The following ZCCHC9 variants were observed in gnomAD, a reference collection of about 807,000 sequenced individuals.
ZCCHC9 encodes zinc finger CCHC domain-containing protein 9.
Under a neutral mutation model 30.8 loss-of-function variants are expected in ZCCHC9, and 18 were observed. The ratio of observed to expected loss-of-function variants is 0.58; its 90% CI spans 0.40 to 0.87. The LOEUF (loss-of-function observed/expected upper bound fraction) is 0.87. Among genes scored for constraint, ZCCHC9 ranks in the 40% least tolerant of loss-of-function variants. The pLI is 0.00. For missense variants in ZCCHC9, 279 were observed against 331.2 expected (o/e 0.84, Z 1.22); for synonymous variants, 94 against 106.7 (o/e 0.88, Z 0.73).
intron 4 of ZCCHC9, 86 bp from the exon 5 acceptor site, chr5:81,311,125 A>C: frequency 7.4e-7 from 1 of 1,344,974 alleles, no homozygotes; most frequent in South Asian, 1.2e-5. Flanking sequence ...GGTTGTGAGG[A>C]TCCAGTAAGA....
rs776685153 is a variant in ZCCHC9 at position 81,308,761 on chromosome 5, A to G, written c.535+50A>G. On this transcript the variant is annotated intron_variant, in intron 3 of 5. Transcript: ENST00000407610. Reference sequence around the variant, plus strand: ...TTTTGTTCATGGGGAAAGCCAATAAATAGCACCTTGGGTATTTTTTTAACA... The same window carrying G: ...TTTTGTTCATGGGGAAAGCCAATAAGTAGCACCTTGGGTATTTTTTTAACA... 21 of 1,571,416 alleles carry G rather than the reference A, an allele frequency of 1.3e-5. No individual in the cohort carries two copies. The Admixed American group carries it at 3.9e-4, about 29-fold the overall frequency.
At chr5:81,309,828 A>G (rs918858095) in intron 4 of ZCCHC9, among the ~76,000 whole-genome samples, 3 of 152,178 alleles carry the variant, frequency 2.0e-5, no homozygotes, top group Admixed American at 1.3e-4. Context: ...CAGTTTTTCA[A>G]TTTTAATCTC....
At chr5:81,310,853 A>G (rs1005980266) in intron 4 of ZCCHC9, among the ~76,000 whole-genome samples, 2 of 152,238 alleles carry the variant, frequency 1.3e-5, no homozygotes, top group African/African-American at 4.8e-5. Flanking sequence ...GCATCTGCTT[A>G]CATCTTTTGT....
intron 1 of ZCCHC9, chr5:81,302,045 A>G (rs554124013): frequency 2.8e-4 from 42 of 152,398 alleles, no homozygotes; most frequent in African/African-American, 1.0e-3. Context: ...ACTTCAGCGA[A>G]GAGTGCGCTG....
chr5:81,308,246 T>A (rs1443444950), intron 2 of ZCCHC9, among the ~76,000 whole-genome samples: 2 of 152,130 alleles, frequency 1.3e-5, no homozygotes, highest in East Asian at 1.9e-4. Flanking sequence ...ACTGCAGACA[T>A]TCCAGTTAAT....
At chr5:81,308,242 G>A (rs956937383) in intron 2 of ZCCHC9, among the ~76,000 whole-genome samples, 9 of 151,958 alleles carry the variant, frequency 5.9e-5, no homozygotes, top group African/African-American at 2.2e-4. Context: ...TTCTACTGCA[G>A]ACATTCCAGT....
At position 81,308,967 on chromosome 5, in the gene ZCCHC9, G is replaced by A; in HGVS notation, c.557G>A (p.Cys186Tyr). 6.2e-7 allele frequency: 1 copy of A among 1,613,296 alleles called. No individual in the cohort carries two copies. Among genetic ancestry groups the A allele is most frequent in the Non-Finnish European group, 8.5e-7 (1 of 1,179,704 alleles). ...ACAGGCGAATTTCCTTTTGCAAAATGTTTTGTTTGTGGAGAAATGGGGCAC... is the reference window on the plus strand; with the variant it reads ...ACAGGCGAATTTCCTTTTGCAAAATATTTTGTTTGTGGAGAAATGGGGCAC... ...PALGEFPFAK[C>Y]FVCGEMGHLS... Residue 186 changes from cysteine (C) to tyrosine (Y), a missense_variant, in exon 4 of 6, where the codon TGT (cysteine) becomes TAT (tyrosine). By Grantham distance (194) the Cys-to-Tyr change is radical. Transcript: ENST00000407610.
chr5:81,311,362 A>T, intron 5 of ZCCHC9, 83 bp downstream of exon 5: 1 of 1,358,982 alleles, frequency 7.4e-7, no homozygotes, highest in Non-Finnish European at 1.0e-6. Context: ...TAATAACTCA[A>T]TTGGGATACT....
At chr5:81,308,522 T>C (rs758099001) in intron 2 of ZCCHC9, 39 bp from the exon 3 acceptor site, 3 of 1,555,900 alleles carry the variant, frequency 1.9e-6, no homozygotes, top group East Asian at 2.3e-5. Context: ...GTCACTGGTA[T>C]AGTTTTGCAG....
chr5:81,307,707 T>C (rs1214665019), intron 2 of ZCCHC9, among the ~76,000 whole-genome samples: 1 of 145,578 alleles, frequency 6.9e-6, no homozygotes. Context: ...CTATGAAATA[T>C]ATCTTATGGC....
In ZCCHC9 at chr5:81,304,947, A is replaced by C. The variant is rs778571000; in HGVS notation, c.190A>C (p.Lys64Gln). 1 of 1,613,828 alleles carries C rather than the reference A, an allele frequency of 6.2e-7. No individual in the cohort carries two copies. The highest frequency in any genetic ancestry group is 2.2e-5 in the East Asian group (1 of 44,882). ...AGCAAAACATAAAAAGAACAAAAAG[A>C]AAAAAGAGTACTTAAATGAAGATGT... Reference protein sequence around the residue: ...PQAKHKKNKKKKEYLNEDVNG... With the variant: ...PQAKHKKNKKQKEYLNEDVNG... The change falls in exon 2 of 6, where the codon AAA (lysine) becomes CAA (glutamine). Residue 64 changes from lysine to glutamine, a missense_variant. Transcript: ENST00000407610.
At chr5:81,302,862 G>T (rs1485762981) in intron 1 of ZCCHC9, 1 of 152,054 alleles carries the variant, frequency 6.6e-6, no homozygotes, top group Non-Finnish European at 1.5e-5. Flanking sequence ...ATTATTTAGG[G>T]TATTACTGTA....
At chr5:81,305,595 CA>C (rs33971441) in intron 2 of ZCCHC9, among the ~76,000 whole-genome samples, 176 of 132,882 alleles carry the variant, frequency 1.3e-3, no homozygotes, top group East Asian at 1.4e-3. Context: ...CCATGTCTAC[CA>C]AAAAAAAAAA....
rs1228155880 is a variant in ZCCHC9, at chr5:81,312,490, G to A, written c.698-54G>A. 5 of 1,355,436 alleles carry A rather than the reference G, an allele frequency of 3.7e-6. No homozygotes were observed. The Admixed American group carries it at 7.3e-5, about 20-fold the overall frequency. The allele number at this position is 1,355,436 out of a possible 1,614,324, so 84.0% of individuals were successfully genotyped here. ...TTCCCAAACCAATAACAATCTGAGT[G>A]GATGCATTTGATTACTGTTTTTCTA... On this transcript the variant is annotated intron_variant, in intron 5 of 5. Transcript: ENST00000407610.
chr5:81,302,469 T>C (rs925610064), intron 1 of ZCCHC9: 3 of 152,214 alleles, frequency 2.0e-5, no homozygotes, highest in African/African-American at 7.2e-5. Context: ...AGACTCCGTC[T>C]CAACAACGAC....
At position 81,312,887 on chromosome 5, in the gene ZCCHC9, T is replaced by C. The variant is rs1166035091; in HGVS notation, c.*225T>C. 1 of 315,950 alleles carries C rather than the reference T, an allele frequency of 3.2e-6. No individual in the cohort carries two copies. The highest frequency in any genetic ancestry group is 5.9e-6 in the Non-Finnish European group (1 of 170,820). The allele number at this position is 315,950 out of a possible 1,614,324, so 19.6% of individuals were successfully genotyped here. A position where few individuals can be genotyped will look rare whatever the true frequency, so the allele number is the denominator to read the frequency against. ...GAATAAGATGATTAAATGAATTCTC[T>C]AAAAGAACATATTTTAAGAGACAGA... On this transcript the variant is annotated 3_prime_UTR_variant, in exon 6 of 6. Transcript: ENST00000407610.
intron 2 of ZCCHC9, 129 bp from the exon 3 acceptor site, chr5:81,308,432 C>A: frequency 1.6e-6 from 2 of 1,225,250 alleles, no homozygotes; most frequent in Non-Finnish European, 2.2e-6. Flanking sequence ...CTTTTTTCTA[C>A]AAATATTGAG....
intron 2 of ZCCHC9, among the ~76,000 whole-genome samples, chr5:81,305,723 G>A (rs1330430306): frequency 6.6e-6 from 1 of 152,138 alleles, no homozygotes; most frequent in Non-Finnish European, 1.5e-5. Context: ...ATCAACCGCT[G>A]CATTTCAGTC....
At chr5:81,312,369 T>C (rs1361477964) in intron 5 of ZCCHC9, among the ~76,000 whole-genome samples, 175 bp from the exon 6 acceptor site, 1 of 152,252 alleles carries the variant, frequency 6.6e-6, no homozygotes, top group Non-Finnish European at 1.5e-5. Context: ...TGTGGTACTC[T>C]GAAATCAAGG....
Sources: gnomAD v4.1 joint callset for allele counts (sites outside exome capture counted in the v4.1 genomes callset) on GRCh38, gnomAD v4.1.1 for gene constraint, MANE v1.5 for transcripts, NCBI Gene and HGNC (gene_info 2026-07-23, HGNC 2026-07-21) for gene names.